The following NCAM1 variants were observed in gnomAD, a reference collection of about 807,000 sequenced individuals.
NCAM1 encodes the protein neural cell adhesion molecule 1.
NCAM1 carries 14 observed loss-of-function variants against 109.8 expected under a neutral mutation model. The ratio of observed to expected loss-of-function variants is 0.13; its 90% CI spans 0.08 to 0.20. NCAM1 has a LOEUF of 0.20. Ranked by LOEUF, NCAM1 falls within the 10% of genes least tolerant of loss-of-function variation. The pLI is 1.00. For synonymous variants in NCAM1, 418 were observed against 442.9 expected (o/e 0.94, Z 0.70); for missense variants, 774 against 1,109.9 (o/e 0.70, Z 4.30).
intron 15 of NCAM1, among the ~76,000 whole-genome samples, chr11:113,249,048 A>G (rs1275634763): frequency 1.3e-5 from 2 of 152,006 alleles, no homozygotes; most frequent in Admixed American, 6.6e-5. Flanking sequence ...AGCCCCCTGC[A>G]CCCCTCTGTC....
At position 113,146,624 on chromosome 11, in the gene NCAM1, C is replaced by G. The variant is rs530214919; in HGVS notation, c.53-55755C>G. Among the ~76,000 whole-genome samples, 3 of 152,290 alleles carry G rather than the reference C, an allele frequency of 2.0e-5. No individual in the cohort carries two copies. In the East Asian group the frequency reaches 5.8e-4, roughly 29 times the overall value. ...ATGTGAACTTGCTTGCAGAGACTAT[C>G]TGTCTATATTCCAATGGAATTTGCT... is the stretch of plus-strand genomic sequence containing the variant. On this transcript the variant is annotated intron_variant, in intron 1 of 19. Transcript: ENST00000316851.
At chr11:113,202,789 A>C (rs782028340) in intron 2 of NCAM1, among the ~76,000 whole-genome samples, 1 of 152,240 alleles carries the variant, frequency 6.6e-6, no homozygotes, top group African/African-American at 2.4e-5. Context: ...GTAAATGACA[A>C]TGGAGAACAG....
chr11:113,230,820 C>G (rs1344953633), intron 9 of NCAM1, among the ~76,000 whole-genome samples: 2 of 152,214 alleles, frequency 1.3e-5, no homozygotes, highest in African/African-American at 4.8e-5. Flanking sequence ...AACCATTTTA[C>G]TTAGAATGTC....
intron 9 of NCAM1, among the ~76,000 whole-genome samples, chr11:113,228,916 T>A (rs2137193689): frequency 6.6e-6 from 1 of 152,280 alleles, no homozygotes; most frequent in South Asian, 2.1e-4. Flanking sequence ...TCCTTACACC[T>A]TATACAAAAA....
At position 112,962,443 on chromosome 11, in the gene NCAM1, CGCGCGCGTGT is replaced by C. The variant is rs1178605432; in HGVS notation, c.52+791_52+800del. 1.2e-4 allele frequency among the ~76,000 whole-genome samples: 18 copies of C among 151,884 alleles called. No individual in the cohort carries two copies. The highest frequency in any genetic ancestry group is 2.0e-4 in the East Asian group (1 of 5,074). On this transcript the variant is annotated intron_variant, in intron 1 of 19. Transcript: ENST00000316851. The surrounding 1 kb of genome is among the most constrained non-coding windows in gnomAD (Gnocchi z 5.6). ...CGTGATTGGGGCTGCCTGGTGTGTGCGCGCGCGTGTGCGCGCGTGTGTCTTTACACGCGCC... is the reference window on the plus strand; with the variant it reads ...CGTGATTGGGGCTGCCTGGTGTGTGCGCGCGCGTGTGTCTTTACACGCGCC...
At chr11:113,197,039 G>T (rs1943877897) in intron 1 of NCAM1, among the ~76,000 whole-genome samples, 1 of 152,206 alleles carries the variant, frequency 6.6e-6, no homozygotes, top group Admixed American at 6.5e-5. Context: ...GCAGGAAAGA[G>T]AAGGGTGAAT....
intron 1 of NCAM1, among the ~76,000 whole-genome samples, chr11:113,036,909 C>T (rs142490964): frequency 1.7e-4 from 26 of 152,282 alleles, no homozygotes; most frequent in Middle Eastern, 3.4e-3. Context: ...CTAATGCCCA[C>T]ATTGCTTGCC....
At chr11:113,199,833 A>AGG (rs1943989889) in intron 1 of NCAM1, among the ~76,000 whole-genome samples, 1 of 149,846 alleles carries the variant, frequency 6.7e-6, no homozygotes, top group African/African-American at 2.5e-5. Context: ...CACCCTTAAA[A>AGG]AAAAAAAAAA....
At chr11:113,013,573 C>G (rs1555074851) in intron 1 of NCAM1, among the ~76,000 whole-genome samples, 2 of 152,212 alleles carry the variant, frequency 1.3e-5, no homozygotes, top group East Asian at 3.9e-4. Context: ...AAGGAGGTAG[C>G]AGTATCAACT....
rs1033345721 is a variant in NCAM1 at position 113,264,245 on chromosome 11, T to G, written c.2131+3922T>G. 74 of 985,068 alleles carry G rather than the reference T, an allele frequency of 7.5e-5. No individual in the cohort carries two copies. In the South Asian group the frequency reaches 1.1e-3, roughly 15 times the overall value. The allele number at this position is 985,068 out of a possible 1,614,324, so 61.0% of individuals were successfully genotyped here. ...TTTTTGGTTTCTTTATGTATTTTTT[T>G]CTGTTGTTATTATTTTTTAATGTTC... is the stretch of plus-strand genomic sequence containing the variant. On this transcript the variant is annotated intron_variant, in intron 17 of 19. Transcript: ENST00000316851.
At chr11:113,169,672 G>A (rs1014602570) in intron 1 of NCAM1, among the ~76,000 whole-genome samples, 1 of 142,650 alleles carries the variant, frequency 7.0e-6, no homozygotes, top group Admixed American at 7.4e-5. Context: ...CTGTCACCCA[G>A]GCTGGAGTGC....
intron 1 of NCAM1, among the ~76,000 whole-genome samples, chr11:113,164,738 G>A (rs1368050211): frequency 6.6e-6 from 1 of 152,136 alleles, no homozygotes; most frequent in Non-Finnish European, 1.5e-5. Context: ...CCTTTGCCTG[G>A]TCAGCAGCCC....
intron 7 of NCAM1, among the ~76,000 whole-genome samples, chr11:113,208,715 G>A (rs1224958128): frequency 6.6e-6 from 1 of 151,974 alleles, no homozygotes; most frequent in African/African-American, 2.4e-5. Context: ...GTACTTAACA[G>A]TACCTGAACA....
intron 1 of NCAM1, among the ~76,000 whole-genome samples, chr11:113,189,959 G>T (rs1166098984): frequency 2.6e-5 from 4 of 151,908 alleles, no homozygotes; most frequent in Non-Finnish European, 4.4e-5. Context: ...GTTCTTTTTG[G>T]ATGTAGCATT....
intron 1 of NCAM1, among the ~76,000 whole-genome samples, chr11:113,018,191 A>AC (rs545684553): frequency 3.0e-4 from 46 of 152,276 alleles, no homozygotes; most frequent in African/African-American, 1.1e-3. Flanking sequence ...GTAAAAAAAA[A>AC]ACACACACAT....
intron 1 of NCAM1, among the ~76,000 whole-genome samples, chr11:113,071,973 C>T (rs548691417): frequency 8.6e-5 from 13 of 152,042 alleles, no homozygotes; most frequent in African/African-American, 2.4e-4. Context: ...GGCAAAACCC[C>T]GTCTCTACTA....
At chr11:113,143,530 G>C (rs1941905579) in intron 1 of NCAM1, among the ~76,000 whole-genome samples, 1 of 152,198 alleles carries the variant, frequency 6.6e-6, no homozygotes, top group Admixed American at 6.5e-5. Flanking sequence ...CTTTGATGCT[G>C]TTGTATGTGT....
At chr11:113,008,763 C>T (rs1951955703) in intron 1 of NCAM1, among the ~76,000 whole-genome samples, 1 of 152,112 alleles carries the variant, frequency 6.6e-6, no homozygotes, top group African/African-American at 2.4e-5. Context: ...GAAAGGGAAC[C>T]AAACATCTCT....
intron 14 of NCAM1, chr11:113,240,980 G>C (rs901283440): frequency 1.6e-5 from 13 of 815,252 alleles, no homozygotes; most frequent in East Asian, 4.9e-5. Context: ...CAGTTGAGAA[G>C]AGAAACAGGC....
Sources: allele counts gnomAD v4.1 joint callset (sites outside exome capture counted in the v4.1 genomes callset), GRCh38; gene constraint gnomAD v4.1.1; non-coding constraint Gnocchi (gnomAD v3.1); transcripts MANE v1.5; gene names NCBI Gene and HGNC (gene_info 2026-07-23, HGNC 2026-07-21).